MTMR7: variants seen among roughly 807,000 people sequenced by gnomAD.
MTMR7 encodes the protein phosphatidylinositol-3-phosphate phosphatase MTMR7.
A neutral mutation model predicts 81.2 loss-of-function variants in MTMR7; 76 were observed. The observed-to-expected ratio is 0.94, with a 90% CI of 0.78 to 1.13. MTMR7 has a LOEUF of 1.13. Among genes scored for constraint, MTMR7 ranks in the 50% most tolerant of loss-of-function variants. The pLI is 0.00. For missense variants in MTMR7, 1,044 were observed against 820.0 expected, an observed-to-expected ratio of 1.27 and a Z score of -3.34; for synonymous variants, 372 against 289.8, an observed-to-expected ratio of 1.28 and a Z score of -2.88.
chr8:17,375,981 G>A (rs943183524), intron 1 of MTMR7, among the ~76,000 whole-genome samples: 3 of 152,074 alleles, frequency 2.0e-5, no homozygotes, highest in Non-Finnish European at 4.4e-5. Flanking sequence ...TCACAACACT[G>A]TATACACTGC....
chr8:17,355,876 G>A (rs1178328717), intron 4 of MTMR7, among the ~76,000 whole-genome samples: 2 of 152,122 alleles, frequency 1.3e-5, no homozygotes, highest in African/African-American at 2.4e-5. Flanking sequence ...ACCACATCGA[G>A]ATCCAATTCA....
chr8:17,302,363 A>G, intron 12 of MTMR7, 83 bp from the exon 13 acceptor site: 1 of 1,440,066 alleles, frequency 6.9e-7, no homozygotes, highest in Non-Finnish European at 9.3e-7. Context: ...GGTATCTATG[A>G]TACCACAGTC....
chr8:17,343,108 T>C (rs375137354), intron 5 of MTMR7, among the ~76,000 whole-genome samples: 4 of 152,280 alleles, frequency 2.6e-5, no homozygotes, highest in African/African-American at 9.6e-5. Flanking sequence ...GAGTTGGCTT[T>C]AGATGATACT....
At chr8:17,313,671 T>C (rs918197069) in intron 7 of MTMR7, among the ~76,000 whole-genome samples, 1 of 152,204 alleles carries the variant, frequency 6.6e-6, no homozygotes, top group Non-Finnish European at 1.5e-5. Context: ...CTAATATTAA[T>C]GAAAATCATT....
At chr8:17,350,872 G>C (rs899899468) in intron 4 of MTMR7, among the ~76,000 whole-genome samples, 1 of 152,200 alleles carries the variant, frequency 6.6e-6, no homozygotes, top group East Asian at 1.9e-4. Flanking sequence ...TTTTAGGAAA[G>C]AAGATTACCA....
intron 1 of MTMR7, among the ~76,000 whole-genome samples, chr8:17,376,733 C>A (rs148911606): frequency 5.9e-5 from 9 of 152,202 alleles, no homozygotes; most frequent in African/African-American, 2.2e-4. Flanking sequence ...CACTTATTAT[C>A]TTTTACCATT....
chr8:17,359,424 C>G (rs1211526418), intron 4 of MTMR7, among the ~76,000 whole-genome samples: 1 of 151,840 alleles, frequency 6.6e-6, no homozygotes, highest in East Asian at 2.0e-4. Flanking sequence ...ATGGGGAGAA[C>G]TTATTCCTAC....
chr8:17,391,402 A>G (rs1821104809), intron 1 of MTMR7, among the ~76,000 whole-genome samples: 1 of 152,210 alleles, frequency 6.6e-6, no homozygotes, highest in Admixed American at 6.5e-5. Context: ...TTTTTTTACT[A>G]AAGAATTTTT....
At position 17,305,968 on chromosome 8, in the gene MTMR7, A is replaced by G. The variant is rs764634669; in HGVS notation, c.1152-11T>C. 10 of 1,601,794 alleles carry G rather than the reference A, an allele frequency of 6.2e-6. No homozygotes were observed. Among genetic ancestry groups the G allele is most frequent in the Non-Finnish European group, 3.4e-6 (4 of 1,171,844 alleles). ...TCTAGATTGCCATATCTATAAAACA[A>G]AGCATTAGAGACTTTTTAAGGCAGA... On this transcript the variant is annotated splice_polypyrimidine_tract_variant and intron_variant, in intron 10 of 13. Transcript: ENST00000180173.
chr8:17,302,633 G>A (rs898228405), intron 12 of MTMR7, among the ~76,000 whole-genome samples: 5 of 143,246 alleles, frequency 3.5e-5, no homozygotes, highest in Admixed American at 2.2e-4. Flanking sequence ...AGCTACAAAG[G>A]GAATCTTAAA....
chr8:17,412,009 G>C (rs184850410), intron 1 of MTMR7, among the ~76,000 whole-genome samples: 5 of 152,306 alleles, frequency 3.3e-5, no homozygotes, highest in African/African-American at 1.2e-4. Flanking sequence ...CTTAAACTCT[G>C]AAAGCTTTGA....
intron 1 of MTMR7, among the ~76,000 whole-genome samples, chr8:17,394,122 T>C (rs1479822112): frequency 6.6e-6 from 1 of 152,194 alleles, no homozygotes; most frequent in Admixed American, 6.5e-5. Context: ...TGCAGCCTCT[T>C]TGGAAAACTG....
chr8:17,354,669 G>A (rs1016369294), intron 4 of MTMR7, among the ~76,000 whole-genome samples: 7 of 152,036 alleles, frequency 4.6e-5, no homozygotes, highest in East Asian at 1.9e-4. Context: ...CTGACCCACC[G>A]ACCTCAAAGG....
rs1819475586 is a variant in MTMR7 at position 17,343,852 on chromosome 8, G to A, written c.598-2355C>T. On this transcript the variant is annotated intron_variant, in intron 5 of 13. Coordinates refer to ENST00000180173, the MANE Select transcript of MTMR7 (RefSeq NM_004686.5). ...GTGCAGAACAGTAAGTAGTCTCAGTGCTTTTGTGCACCTATACATGCCCTA... is the reference window on the plus strand; with the variant it reads ...GTGCAGAACAGTAAGTAGTCTCAGTACTTTTGTGCACCTATACATGCCCTA... 3.3e-5 allele frequency among the ~76,000 whole-genome samples: 5 copies of A among 152,158 alleles called. No individual in the cohort carries two copies. The South Asian group carries it at 1.0e-3, about 32-fold the overall frequency.
intron 7 of MTMR7, among the ~76,000 whole-genome samples, chr8:17,314,083 C>T (rs1817931189): frequency 6.6e-6 from 1 of 152,094 alleles, no homozygotes; most frequent in South Asian, 2.1e-4. Flanking sequence ...GTATAAACAC[C>T]TCTATAATAT....
chr8:17,303,755 G>A (rs768528941), intron 12 of MTMR7, among the ~76,000 whole-genome samples: 7 of 152,048 alleles, frequency 4.6e-5, no homozygotes, highest in Non-Finnish European at 7.4e-5. Context: ...GATTACAGGC[G>A]CTCACCACCA....
chr8:17,395,325 G>T (rs1334728093), intron 1 of MTMR7, among the ~76,000 whole-genome samples: 1 of 152,112 alleles, frequency 6.6e-6, no homozygotes, highest in African/African-American at 2.4e-5. Flanking sequence ...TTTGTTGATG[G>T]ACTCTTGGAT....
rs1239584950 is a variant in MTMR7, at chr8:17,300,201, G to A, written c.1644C>T (p.Val548=). 8 of 1,605,372 alleles carry A rather than the reference G, an allele frequency of 5.0e-6. No homozygotes were observed. The East Asian group carries it at 6.7e-5, about 13-fold the overall frequency. The change falls in exon 14 of 14, where the codon GTC becomes GTT. Residue 548 remains valine (V), a synonymous_variant. Transcript: ENST00000180173. ...LEERLEKIQK[V]QLNCTKVKSK... ...TCTTCACCTTAGTGCAATTTAACTG[G>A]ACCTTTTGAATTTTTTCCAGCCTCT... is the stretch of plus-strand genomic sequence containing the variant.
chr8:17,351,841 C>G (rs1819738604), intron 4 of MTMR7, among the ~76,000 whole-genome samples: 1 of 152,208 alleles, frequency 6.6e-6, no homozygotes, highest in Non-Finnish European at 1.5e-5. Context: ...TCTTACCAAG[C>G]TAGAAGCATG....
Sources: gnomAD v4.1 joint callset for allele counts (sites outside exome capture counted in the v4.1 genomes callset) on GRCh38, gnomAD v4.1.1 for gene constraint, MANE v1.5 for transcripts, NCBI Gene and HGNC (gene_info 2026-07-23, HGNC 2026-07-21) for gene names.